FDFT1: variants seen among roughly 807,000 people sequenced by gnomAD.
FDFT1 encodes farnesyl-diphosphate farnesyltransferase 1, also known as squalene synthase.
FDFT1 carries 68 observed loss-of-function variants against 46.8 expected under a neutral mutation model. The observed-to-expected ratio is 1.45, with a 90% confidence interval of 1.19 to 1.78. The LOEUF is 1.78. Among genes scored for constraint, FDFT1 ranks in the 40% most tolerant of loss-of-function variants. FDFT1 has a pLI of 0.00. For synonymous variants in FDFT1, 351 were observed against 185.1 expected, an observed-to-expected ratio of 1.90 and a Z score of -7.28; for missense variants, 928 against 524.4, an observed-to-expected ratio of 1.77 and a Z score of -7.52.
At chr8:11,802,004 T>C, upstream of FDFT1, 2 of 455,972 alleles carry the variant, frequency 4.4e-6, no homozygotes, top group Non-Finnish European at 4.4e-6. Flanking sequence ...GCCAGTAGTT[T>C]CTAGGGCTGG....
chr8:11,837,399 T>A (rs916479293), intron 7 of FDFT1, among the ~76,000 whole-genome samples: 3 of 152,254 alleles, frequency 2.0e-5, no homozygotes, highest in Admixed American at 6.5e-5. Context: ...GCCCGGCTAA[T>A]TTTTGTACAT....
chr8:11,831,376 G>T, intron 6 of FDFT1, 142 bp from the exon 7 acceptor site: 1 of 658,080 alleles, frequency 1.5e-6, no homozygotes, highest in Non-Finnish European at 2.6e-6. Context: ...TTCTTCGTGG[G>T]TATTTTTTCT....
chr8:11,830,111 G>T, intron 5 of FDFT1, 133 bp from the exon 6 acceptor site: 1 of 734,570 alleles, frequency 1.4e-6, no homozygotes, highest in Non-Finnish European at 2.4e-6. Flanking sequence ...CTCCCAAAGT[G>T]CTGGGATTAC....
chr8:11,815,855 G>A (rs1370158636), intron 3 of FDFT1, among the ~76,000 whole-genome samples: 1 of 152,152 alleles, frequency 6.6e-6, no homozygotes, highest in Non-Finnish European at 1.5e-5. Context: ...TTGCTGTGCA[G>A]AAGCTCTTTA....
chr8:11,804,127 T>C (rs887891086), intron 1 of FDFT1, among the ~76,000 whole-genome samples: 8 of 152,266 alleles, frequency 5.3e-5, no homozygotes, highest in Admixed American at 2.0e-4. Flanking sequence ...ACCTTGATTT[T>C]ATAAAACTTA....
intron 1 of FDFT1, among the ~76,000 whole-genome samples, chr8:11,806,932 T>C (rs1484397284): frequency 1.3e-5 from 2 of 152,224 alleles, no homozygotes; most frequent in Non-Finnish European, 2.9e-5. Context: ...TTTACTAATA[T>C]TTTTTATGGC....
At chr8:11,829,600 T>TG (rs1183383762) in intron 5 of FDFT1, among the ~76,000 whole-genome samples, 2 of 152,170 alleles carry the variant, frequency 1.3e-5, no homozygotes, top group East Asian at 3.9e-4. Flanking sequence ...GGGTTATTTT[T>TG]TTCAGAAGTA....
intron 7 of FDFT1, among the ~76,000 whole-genome samples, chr8:11,832,713 C>G (rs1027246045): frequency 6.6e-6 from 1 of 152,058 alleles, no homozygotes; most frequent in Non-Finnish European, 1.5e-5. Context: ...ATTGTCCTAA[C>G]CGGCAGGAAT....
At chr8:11,821,080 A>C (rs1229456087) in intron 3 of FDFT1, among the ~76,000 whole-genome samples, 1 of 152,204 alleles carries the variant, frequency 6.6e-6, no homozygotes, top group Non-Finnish European at 1.5e-5. Flanking sequence ...TTACATAGGA[A>C]GTGCTTGATC....
At chr8:11,815,486 A>G (rs981220756) in intron 3 of FDFT1, among the ~76,000 whole-genome samples, 2 of 152,226 alleles carry the variant, frequency 1.3e-5, no homozygotes, top group African/African-American at 4.8e-5. Flanking sequence ...ACTCCCACCA[A>G]CAGTGTAAAT....
chr8:11,797,510 C>T (rs914255035), upstream of FDFT1, among the ~76,000 whole-genome samples: 1 of 118,148 alleles, frequency 8.5e-6, no homozygotes, highest in Non-Finnish European at 1.8e-5. Context: ...GATGTTCAGC[C>T]AATGTTTGTT....
chr8:11,837,353 C>G (rs763105920), intron 7 of FDFT1, among the ~76,000 whole-genome samples: 7 of 152,218 alleles, frequency 4.6e-5, no homozygotes, highest in South Asian at 2.1e-4. Flanking sequence ...ACCCCAGTCC[C>G]CAAGTAGCTG....
intron 7 of FDFT1, chr8:11,831,891 A>T (rs948770896): frequency 4.3e-6 from 2 of 470,464 alleles, no homozygotes; most frequent in Non-Finnish European, 7.6e-6. Context: ...AGATAAATGG[A>T]GCAAGGCTGT....
rs145166451 is a variant in FDFT1 at position 11,820,938 on chromosome 8, C to A, written c.382-812C>A. 1.5e-3 allele frequency among the ~76,000 whole-genome samples: 228 copies of A among 152,330 alleles called. 1 individual carries two copies. Among genetic ancestry groups the A allele is most frequent in the African/African-American group, 5.3e-3 (222 of 41,570 alleles). On this transcript the variant is annotated intron_variant, in intron 3 of 7. Transcript: ENST00000220584. ...CTCAGTTGGAAATGCAGAAATCACC[C>A]ATCTTCTGCATCGATCTTGCTGGGA... is the stretch of plus-strand genomic sequence containing the variant.
intron 6 of FDFT1, 83 bp downstream of exon 6, chr8:11,830,503 C>T (rs1810630098): frequency 7.3e-6 from 7 of 958,944 alleles, no homozygotes; most frequent in South Asian, 5.7e-5. Context: ...GTGCTATATT[C>T]AAGGATATGA....
chr8:11,813,855 C>T (rs551834220), intron 3 of FDFT1, among the ~76,000 whole-genome samples: 2 of 152,124 alleles, frequency 1.3e-5, no homozygotes, highest in East Asian at 1.9e-4. Flanking sequence ...TGGTCGTATC[C>T]GGGGAACATA....
At chr8:11,802,203 G>A (rs1434367773), upstream of FDFT1, 2 of 418,672 alleles carry the variant, frequency 4.8e-6, no homozygotes, top group South Asian at 1.7e-5. Flanking sequence ...GTGCTCGGGT[G>A]TGTTACAGTA....
exon 1 of FDFT1, chr8:11,795,606 AAC>A (rs1447263497): frequency 1.3e-5 from 2 of 149,854 alleles, no homozygotes; most frequent in Admixed American, 6.7e-5. Context: ...TTTGCTTTAC[AAC>A]GCTTGGGAAG....
At position 11,803,671 on chromosome 8, in the gene FDFT1, G is replaced by T. The variant is rs535158422; in HGVS notation, c.99+740G>T. ...AATTCAGCCAAGTTCTTCTGGTCTG[G>T]ACCAGCCTGGCTGATTTCTGTAACT... On this transcript the variant is annotated intron_variant, in intron 1 of 7. Coordinates refer to ENST00000220584, the MANE Select transcript of FDFT1 (RefSeq NM_004462.5). 1.1e-4 allele frequency: 40 copies of T among 360,346 alleles called. No individual in the cohort carries two copies. The South Asian group carries it at 1.2e-3, about 11-fold the overall frequency. 22.3% of individuals were successfully genotyped at this position (360,346 alleles called of 1,614,324 possible).
Sources: gnomAD v4.1 joint callset for allele counts (sites outside exome capture counted in the v4.1 genomes callset) on GRCh38, gnomAD v4.1.1 for gene constraint, MANE v1.5 for transcripts, NCBI Gene and HGNC (gene_info 2026-07-23, HGNC 2026-07-21) for gene names.